Variants in CSMD1 observed in about 807,000 individuals in gnomAD.
CSMD1 encodes the protein CUB and Sushi multiple domains 1.
A neutral mutation model predicts 417.5 loss-of-function variants in CSMD1; 213 were observed. The ratio of observed to expected loss-of-function variants is 0.51; its 90% CI spans 0.46 to 0.57. The LOEUF (loss-of-function observed/expected upper bound fraction) is 0.57. Among genes scored for constraint, CSMD1 ranks in the 20% least tolerant of loss-of-function variants. The pLI, the probability that CSMD1 is intolerant of heterozygous loss-of-function variation, is 0.00. For missense variants in CSMD1, 6,923 were observed against 4,529.7 expected (o/e 1.53, Z -15.17); for synonymous variants, 2,862 against 1,736.8 (o/e 1.65, Z -16.11).
At chr8:2,978,852 C>T (rs117949607) in intron 54 of CSMD1, 52 bp from the exon 55 acceptor site, 15 of 1,442,456 alleles carry the variant, frequency 1.0e-5, no homozygotes, top group African/African-American at 1.4e-5. Context: ...GAAATAACAA[C>T]AAAATAGATC....
intron 1 of CSMD1, among the ~76,000 whole-genome samples, chr8:4,747,625 C>T (rs760813462): frequency 2.6e-5 from 4 of 152,166 alleles, no homozygotes; most frequent in Non-Finnish European, 5.9e-5. Flanking sequence ...CTGGAGTTAG[C>T]ATCATTATCA....
At chr8:4,106,353 G>A (rs569027223) in intron 3 of CSMD1, among the ~76,000 whole-genome samples, 73 of 152,236 alleles carry the variant, frequency 4.8e-4, no homozygotes, top group African/African-American at 1.7e-3. Flanking sequence ...TATTTTTTAA[G>A]TCAAAATAAA....
intron 4 of CSMD1, among the ~76,000 whole-genome samples, chr8:3,998,728 T>A (rs1261785726): frequency 6.6e-6 from 1 of 152,028 alleles, no homozygotes; most frequent in Non-Finnish European, 1.5e-5. Context: ...TAAAAGTGCA[T>A]TTAAAATAGA....
chr8:4,545,698 T>C (rs1309933602), intron 2 of CSMD1, among the ~76,000 whole-genome samples: 1 of 152,218 alleles, frequency 6.6e-6, no homozygotes, highest in African/African-American at 2.4e-5. Flanking sequence ...ATTTTCTCTG[T>C]TAAAGCTGAT....
intron 1 of CSMD1, among the ~76,000 whole-genome samples, chr8:4,731,738 G>T (rs1033957269): frequency 1.3e-5 from 2 of 152,110 alleles, no homozygotes; most frequent in African/African-American, 4.8e-5. Flanking sequence ...AGCAGCCACA[G>T]CAGTTACTCT....
chr8:4,379,176 A>T (rs1055717430), intron 3 of CSMD1, among the ~76,000 whole-genome samples: 2 of 152,206 alleles, frequency 1.3e-5, no homozygotes, highest in East Asian at 3.8e-4. Context: ...TGGCTGATTT[A>T]TTCTGTAGTA....
chr8:4,947,644 T>C (rs1311359616), intron 1 of CSMD1, among the ~76,000 whole-genome samples: 2 of 152,264 alleles, frequency 1.3e-5, no homozygotes, highest in East Asian at 3.9e-4. Context: ...CAGTGACAGA[T>C]AACCACTTAC....
chr8:4,343,495 A>G (rs1024365158), intron 3 of CSMD1, among the ~76,000 whole-genome samples: 14 of 152,154 alleles, frequency 9.2e-5, no homozygotes, highest in African/African-American at 3.1e-4. Context: ...ACATGCGTAC[A>G]TGATTCACAA....
chr8:4,301,354 T>A (rs2128873394), intron 3 of CSMD1, among the ~76,000 whole-genome samples: 1 of 152,228 alleles, frequency 6.6e-6, no homozygotes, highest in African/African-American at 2.4e-5. Flanking sequence ...TTGCTTTGAC[T>A]GTACCACTTC....
intron 7 of CSMD1, among the ~76,000 whole-genome samples, chr8:3,631,238 C>G (rs1021109): frequency 0.54 from 82,418 of 151,742 alleles, 22,868 homozygotes; most frequent in East Asian, 0.72. Flanking sequence ...AACACGATCA[C>G]AAACTGTATC....
chr8:4,200,127 T>C (rs956623027), intron 3 of CSMD1, among the ~76,000 whole-genome samples: 2 of 152,196 alleles, frequency 1.3e-5, no homozygotes, highest in African/African-American at 4.8e-5. Flanking sequence ...CTGAATGAGA[T>C]TTCCTTCCTT....
chr8:2,954,298 A>T (rs987769259), intron 64 of CSMD1, 30 bp from the exon 65 acceptor site: 58 of 1,280,324 alleles, frequency 4.5e-5, no homozygotes, highest in Middle Eastern at 1.9e-4. Flanking sequence ...TTATCATTTT[A>T]AAAAAAACAT....
intron 4 of CSMD1, among the ~76,000 whole-genome samples, chr8:4,020,093 T>C (rs1285009297): frequency 2.0e-5 from 3 of 152,134 alleles, no homozygotes; most frequent in East Asian, 1.9e-4. Flanking sequence ...GCAGCTGATA[T>C]TTTTAGAGTT....
chr8:4,850,311 G>T (rs1801389691), intron 1 of CSMD1, among the ~76,000 whole-genome samples: 1 of 149,836 alleles, frequency 6.7e-6, no homozygotes. Context: ...CCATTCTACG[G>T]CTTGTGTTTT....
intron 2 of CSMD1, among the ~76,000 whole-genome samples, chr8:4,447,659 T>A (rs1189461399): frequency 6.6e-6 from 1 of 152,192 alleles, no homozygotes. Context: ...AAGGAAGGAA[T>A]GGTTTCCACA....
intron 5 of CSMD1, among the ~76,000 whole-genome samples, chr8:3,791,528 A>G (rs1799741429): frequency 6.6e-6 from 1 of 152,214 alleles, no homozygotes; most frequent in Non-Finnish European, 1.5e-5. Flanking sequence ...GACAATTTTA[A>G]AATTACCTTA....
intron 36 of CSMD1, among the ~76,000 whole-genome samples, chr8:3,182,256 T>C (rs1821381369): frequency 6.6e-6 from 1 of 152,202 alleles, no homozygotes; most frequent in Admixed American, 6.5e-5. Flanking sequence ...CCAACAGATT[T>C]TATTTTTTTA....
chr8:3,883,710 G>A (rs927929320), intron 5 of CSMD1, among the ~76,000 whole-genome samples: 9 of 152,046 alleles, frequency 5.9e-5, no homozygotes, highest in Admixed American at 1.3e-4. Context: ...GCATGGTTAT[G>A]ATTTATGGCT....
chr8:4,731,708 G>C (rs945389080), intron 1 of CSMD1, among the ~76,000 whole-genome samples: 3 of 152,098 alleles, frequency 2.0e-5, no homozygotes, highest in African/African-American at 7.2e-5. Flanking sequence ...GCTCCAATGG[G>C]TTCACGAGGA....
Sources: gnomAD v4.1 joint callset for allele counts (sites outside exome capture counted in the v4.1 genomes callset) on GRCh38, gnomAD v4.1.1 for gene constraint, MANE v1.5 for transcripts, NCBI Gene and HGNC (gene_info 2026-07-23, HGNC 2026-07-21) for gene names.